The following ESRRG variants were observed in gnomAD, a reference collection of about 807,000 sequenced individuals.
ESRRG encodes estrogen-related receptor gamma.
In ESRRG, 13 loss-of-function variants were observed where a neutral mutation model predicts 44.0. The observed-to-expected ratio is 0.30, with a 90% CI of 0.19 to 0.47. ESRRG has a LOEUF of 0.47. Ranked by LOEUF, ESRRG falls within the 20% of genes least tolerant of loss-of-function variation. The pLI, the probability that ESRRG is intolerant of heterozygous loss-of-function variation, is 1.00. For missense variants in ESRRG, 395 were observed against 580.6 expected (o/e 0.68, Z 3.29); for synonymous variants, 215 against 214.6 (o/e 1.00, Z -0.02).
At chr1:216,612,376 CG>C (rs1187762942) in intron 3 of ESRRG, among the ~76,000 whole-genome samples, 1 of 150,996 alleles carries the variant, frequency 6.6e-6, no homozygotes, top group Non-Finnish European at 1.5e-5. Context: ...AAGGAAGGGG[CG>C]GGAATAGAAC....
intron 1 of ESRRG, among the ~76,000 whole-genome samples, chr1:217,117,636 C>T (rs183798297): frequency 1.3e-5 from 2 of 151,848 alleles, no homozygotes; most frequent in African/African-American, 2.4e-5. Context: ...AATTAGATGA[C>T]ATCAAATAAA....
chr1:217,081,195 A>G (rs1391437122), intron 1 of ESRRG, among the ~76,000 whole-genome samples: 1 of 137,734 alleles, frequency 7.3e-6, no homozygotes, highest in Non-Finnish European at 1.6e-5. Flanking sequence ...TTAGATATTT[A>G]TCAGTGAATT....
chr1:216,740,567 C>G (rs143707988), intron 2 of ESRRG, among the ~76,000 whole-genome samples: 2 of 151,492 alleles, frequency 1.3e-5, no homozygotes, highest in Middle Eastern at 6.8e-3. Context: ...CAAGGGGAGG[C>G]CTTTTTTGTT....
chr1:217,063,231 G>C (rs1242738656), intron 1 of ESRRG, among the ~76,000 whole-genome samples: 1 of 152,180 alleles, frequency 6.6e-6, no homozygotes, highest in Non-Finnish European at 1.5e-5. Context: ...AAGCAACCCA[G>C]CTGACTCTAA....
At chr1:217,015,680 T>C (rs1320511394) in intron 1 of ESRRG, among the ~76,000 whole-genome samples, 1 of 151,870 alleles carries the variant, frequency 6.6e-6, no homozygotes, top group Non-Finnish European at 1.5e-5. Context: ...TGGTTTGATA[T>C]TTCAGGAACC....
At chr1:216,516,533 T>C (rs1376670600) in intron 6 of ESRRG, among the ~76,000 whole-genome samples, 3 of 151,988 alleles carry the variant, frequency 2.0e-5, no homozygotes, top group African/African-American at 7.2e-5. Context: ...CCTACAGCCA[T>C]GTAGGAAAAG....
At chr1:216,965,832 G>A (rs1429623701) in intron 1 of ESRRG, among the ~76,000 whole-genome samples, 1 of 152,136 alleles carries the variant, frequency 6.6e-6, no homozygotes, top group Admixed American at 6.6e-5. Context: ...CCATGGTCTG[G>A]TGCACTACTC....
chr1:216,703,227 T>G (rs2081768205), intron 1 of ESRRG, among the ~76,000 whole-genome samples: 1 of 152,196 alleles, frequency 6.6e-6, no homozygotes, highest in African/African-American at 2.4e-5. Flanking sequence ...GCTTTTGGCT[T>G]TCCTGGGTCA....
At chr1:216,606,755 C>G (rs1319981467) in intron 3 of ESRRG, among the ~76,000 whole-genome samples, 1 of 152,096 alleles carries the variant, frequency 6.6e-6, no homozygotes, top group Non-Finnish European at 1.5e-5. Flanking sequence ...TTTTAATGTA[C>G]CTGGTATGTA....
At chr1:217,080,712 C>G (rs1388701973) in intron 1 of ESRRG, among the ~76,000 whole-genome samples, 2 of 119,104 alleles carry the variant, frequency 1.7e-5, no homozygotes, top group Admixed American at 1.1e-4. Context: ...GAGTCTCGCT[C>G]TGTTGCCCAG....
At position 216,676,217 on chromosome 1, in the gene ESRRG, T is replaced by C. The variant is rs148884148; in HGVS notation, c.472+859A>G. On this transcript the variant is annotated intron_variant, in intron 2 of 6. Transcript: ENST00000408911. ...TCTATAGCTTTTTCATGAACTGAAT[T>C]CTAGATCTGTAGATTACCAGTTTAA... Among the ~76,000 whole-genome samples the C allele has an allele frequency of 3.5e-3, 535 of 152,316 alleles. 3 individuals are homozygous for C. Among genetic ancestry groups the C allele is most frequent in the African/African-American group, 0.013 (523 of 41,574 alleles).
At chr1:216,584,297 C>T (rs1296210105) in intron 3 of ESRRG, among the ~76,000 whole-genome samples, 1 of 149,268 alleles carries the variant, frequency 6.7e-6, no homozygotes, top group Non-Finnish European at 1.5e-5. Flanking sequence ...TGTTCTGTTG[C>T]CCAGGCTGGA....
chr1:216,948,258 A>G (rs569197646), intron 1 of ESRRG, among the ~76,000 whole-genome samples: 3 of 152,058 alleles, frequency 2.0e-5, no homozygotes, highest in Admixed American at 6.5e-5. Flanking sequence ...GATTAGGAAG[A>G]AAGAAATAGG....
chr1:216,683,396 T>C (rs2077374636), intron 1 of ESRRG, among the ~76,000 whole-genome samples: 2 of 152,206 alleles, frequency 1.3e-5, no homozygotes, highest in Non-Finnish European at 2.9e-5. Flanking sequence ...TATACCAGGA[T>C]CAGAATGATT....
At chr1:216,613,299 G>A (rs1318719959) in intron 3 of ESRRG, among the ~76,000 whole-genome samples, 7 of 152,104 alleles carry the variant, frequency 4.6e-5, no homozygotes, top group Non-Finnish European at 8.8e-5. Context: ...TTGTAATGGT[G>A]ACAATATTTC....
chr1:216,720,772 C>T (rs1456430608), intron 1 of ESRRG, among the ~76,000 whole-genome samples: 1 of 152,098 alleles, frequency 6.6e-6, no homozygotes, highest in Admixed American at 6.6e-5. Context: ...GCTCCAAACA[C>T]GAATCTTAAA....
upstream of ESRRG, among the ~76,000 whole-genome samples, chr1:216,725,469 A>T (rs1016904221): frequency 1.3e-5 from 2 of 152,188 alleles, no homozygotes; most frequent in African/African-American, 4.8e-5. Context: ...TCAATCTAAA[A>T]TAAGACACGT....
chr1:216,634,874 A>G (rs2150769401), intron 3 of ESRRG, among the ~76,000 whole-genome samples: 1 of 152,322 alleles, frequency 6.6e-6, no homozygotes, highest in South Asian at 2.1e-4. Flanking sequence ...AAAGAACAGA[A>G]AGTGTGTTAA....
intron 4 of ESRRG, among the ~76,000 whole-genome samples, chr1:216,567,224 C>T (rs2059834392): frequency 1.3e-5 from 2 of 152,222 alleles, no homozygotes; most frequent in South Asian, 4.1e-4. Flanking sequence ...AACGCTAGTT[C>T]TGTTGCACTA....
Sources: allele counts gnomAD v4.1 joint callset (sites outside exome capture counted in the v4.1 genomes callset), GRCh38; gene constraint gnomAD v4.1.1; transcripts MANE v1.5; gene names NCBI Gene and HGNC (gene_info 2026-07-23, HGNC 2026-07-21).